Variants in PIGN observed in about 807,000 individuals in gnomAD.
The protein encoded by PIGN is GPI ethanolamine phosphate transferase 1.
In PIGN, 117 loss-of-function variants were observed where a neutral mutation model predicts 125.4. The observed-to-expected ratio is 0.93, with a 90% confidence interval of 0.80 to 1.09. PIGN has a LOEUF of 1.09. Ranked by LOEUF, PIGN falls within the 50% of genes least tolerant of loss-of-function variation. The probability of loss-of-function intolerance (pLI) is 0.00; values close to 1 mark genes in which losing one functional copy is unlikely to be tolerated. For synonymous variants in PIGN, 392 were observed against 377.8 expected (o/e 1.04, Z -0.44); for missense variants, 1,075 against 1,094.9 (o/e 0.98, Z 0.26).
chr18:62,065,112 TTCTC>T (rs150052913), intron 30 of PIGN, among the ~76,000 whole-genome samples: 4 of 151,998 alleles, frequency 2.6e-5, no homozygotes, highest in South Asian at 2.1e-4. Flanking sequence ...TTCTTTTTCT[TTCTC>T]TCTCTCTCTC....
intron 22 of PIGN, among the ~76,000 whole-genome samples, chr18:62,099,046 C>T (rs1568173374): frequency 6.6e-6 from 1 of 152,034 alleles, no homozygotes; most frequent in East Asian, 1.9e-4. Context: ...AGCACACCTA[C>T]ACATTATGCA....
At chr18:62,038,259 G>A (rs1329668454), downstream of PIGN, among the ~76,000 whole-genome samples, 1 of 147,836 alleles carries the variant, frequency 6.8e-6, no homozygotes, top group Non-Finnish European at 1.5e-5. Flanking sequence ...CGGATTTCTC[G>A]TAATCCACCG....
At chr18:62,058,035 G>T (rs2031849823) in intron 30 of PIGN, among the ~76,000 whole-genome samples, 1 of 151,504 alleles carries the variant, frequency 6.6e-6, no homozygotes. Flanking sequence ...AACTGACACT[G>T]TCTTGCTATC....
intron 1 of PIGN, among the ~76,000 whole-genome samples, chr18:62,164,328 C>T (rs940647756): frequency 6.6e-6 from 1 of 152,102 alleles, no homozygotes; most frequent in Non-Finnish European, 1.5e-5. Flanking sequence ...TGTATTAGTC[C>T]ATTTTCACAT....
At chr18:62,081,923 T>C (rs999325891) in intron 28 of PIGN, among the ~76,000 whole-genome samples, 1 of 152,184 alleles carries the variant, frequency 6.6e-6, no homozygotes, top group Admixed American at 6.5e-5. Context: ...TTCTAGCTTA[T>C]ACTCATCAAG....
intron 1 of PIGN, among the ~76,000 whole-genome samples, chr18:62,171,360 G>A (rs1338146445): frequency 6.6e-6 from 1 of 152,068 alleles, no homozygotes; most frequent in Non-Finnish European, 1.5e-5. Flanking sequence ...AACTGTTACG[G>A]TGGCTTTTGT....
intron 14 of PIGN, chr18:62,137,832 T>A (rs62097168): frequency 6.3e-6 from 1 of 159,908 alleles, no homozygotes; most frequent in South Asian, 1.9e-4. Flanking sequence ...TATCTTCAAA[T>A]GTAAGTTGAA....
intron 1 of PIGN, among the ~76,000 whole-genome samples, chr18:62,181,543 G>A (rs192980985): frequency 1.0e-3 from 153 of 151,920 alleles, no homozygotes; most frequent in East Asian, 3.5e-3. Flanking sequence ...CCCAAGTAGC[G>A]GGGACCACAG....
At chr18:62,148,177 G>C (rs965230057) in intron 8 of PIGN, 37 bp downstream of exon 8, 12 of 1,469,476 alleles carry the variant, frequency 8.2e-6, no homozygotes, top group African/African-American at 1.4e-5. Context: ...AATAGCTGTT[G>C]CCCTAAAAAA....
intron 23 of PIGN, 29 bp downstream of exon 23, chr18:62,095,819 A>G: frequency 8.0e-7 from 1 of 1,250,356 alleles, no homozygotes; most frequent in Non-Finnish European, 1.2e-6. Flanking sequence ...ACTTGCTGCT[A>G]TAAAATTAAA....
chr18:62,108,333 T>C (rs1251420948), intron 17 of PIGN, among the ~76,000 whole-genome samples: 4 of 152,116 alleles, frequency 2.6e-5, no homozygotes, highest in Non-Finnish European at 5.9e-5. Flanking sequence ...ATATATGTTT[T>C]CTTCATAATT....
At chr18:62,181,604 G>A (rs2037719375) in intron 1 of PIGN, among the ~76,000 whole-genome samples, 1 of 152,118 alleles carries the variant, frequency 6.6e-6, no homozygotes, top group African/African-American at 2.4e-5. Flanking sequence ...TAGAGCGGGG[G>A]TCTTGCCATG....
chr18:62,093,277 T>C (rs1417269142), intron 23 of PIGN, among the ~76,000 whole-genome samples: 7 of 152,114 alleles, frequency 4.6e-5, no homozygotes, highest in Admixed American at 3.9e-4. Context: ...TTATGATCAC[T>C]TTCTTTTGTA....
intron 30 of PIGN, among the ~76,000 whole-genome samples, chr18:62,056,125 T>C (rs1599410618): frequency 7.0e-6 from 1 of 142,400 alleles, no homozygotes; most frequent in South Asian, 2.3e-4. Flanking sequence ...TCTCCCAAAA[T>C]AGAATAAGCA....
rs76321419 is a variant in PIGN at position 62,114,647 on chromosome 18, T to C, written c.1173-8A>G. ...TTGGAATCAGAAAGCAGTCTATATA[T>C]AAAAAAAAGAATAGGTTTAAAGGGT... On this transcript the variant is annotated splice_region_variant and splice_polypyrimidine_tract_variant and intron_variant, in intron 14 of 30. Coordinates refer to ENST00000640252, the MANE Select transcript of PIGN (RefSeq NM_176787.5). The C allele has an allele frequency of 1.7e-5, 23 of 1,370,706 alleles. No homozygotes were observed. Among genetic ancestry groups the C allele is most frequent in the African/African-American group, 1.6e-4 (11 of 68,752 alleles). The allele number at this position is 1,370,706 out of a possible 1,614,324, so 84.9% of individuals were successfully genotyped here. A position where few individuals can be genotyped will look rare whatever the true frequency, so the allele number is the denominator to read the frequency against.
At chr18:62,138,879 G>T in intron 13 of PIGN, 104 bp downstream of exon 13, 2 of 620,832 alleles carry the variant, frequency 3.2e-6, no homozygotes, top group South Asian at 5.1e-5. Context: ...TAAATTACAG[G>T]GAAATAGTTA....
In PIGN at chr18:62,045,901, C is replaced by T. The variant is rs200481058; in HGVS notation, c.2751G>A (p.Thr917=). 14 of 1,613,786 alleles carry T rather than the reference C, an allele frequency of 8.7e-6. No individual in the cohort carries two copies. Among genetic ancestry groups the T allele is most frequent in the East Asian group, 2.2e-5 (1 of 44,868 alleles). Residue 917 remains threonine (T), a synonymous_variant, in exon 31 of 31, where the codon ACG becomes ACA. Transcript: ENST00000640252. Reference sequence around the variant, plus strand: ...GTTTGCCACATAGTCTGAGTTTCTTCGTTGTGAGCAGCTGGGCCAGGCCAT... The same window carrying T: ...GTTTGCCACATAGTCTGAGTTTCTTTGTTGTGAGCAGCTGGGCCAGGCCAT... The part of the protein sequence containing the change: ...FLNGLAQLLT[T]KKLRLCGKPK...
At chr18:62,149,256 G>C (rs77313599) in intron 7 of PIGN, among the ~76,000 whole-genome samples, 8,161 of 152,050 alleles carry the variant, frequency 0.054, 280 homozygotes, top group Middle Eastern at 0.14. Context: ...AACTATTCAA[G>C]AATAGAAATA....
intron 30 of PIGN, among the ~76,000 whole-genome samples, chr18:62,067,167 CTGG>C (rs1325838691): frequency 6.6e-6 from 1 of 152,198 alleles, no homozygotes; most frequent in Non-Finnish European, 1.5e-5. Flanking sequence ...TTTAGATCTT[CTGG>C]TGGTTACCCC....
Sources: gnomAD v4.1 joint callset for allele counts (sites outside exome capture counted in the v4.1 genomes callset) on GRCh38, gnomAD v4.1.1 for gene constraint, MANE v1.5 for transcripts, NCBI Gene and HGNC (gene_info 2026-07-23, HGNC 2026-07-21) for gene names.